Variants in RBM19 observed in about 807,000 individuals in gnomAD.
The protein encoded by RBM19 is RNA binding motif protein 19, also known as probable RNA-binding protein 19.
A neutral mutation model predicts 116.8 loss-of-function variants in RBM19; 94 were observed. That is an observed-to-expected ratio of 0.80 (90% CI 0.68 to 0.95). The LOEUF is 0.95. RBM19 is among the 40% of genes least tolerant of loss of function. The pLI is 0.00. For synonymous variants in RBM19, 475 were observed against 494.1 expected, an observed-to-expected ratio of 0.96 and a Z score of 0.51; for missense variants, 1,161 against 1,220.7, an observed-to-expected ratio of 0.95 and a Z score of 0.73.
intron 22 of RBM19, among the ~76,000 whole-genome samples, chr12:113,849,498 C>T (rs1459246695): frequency 6.6e-6 from 1 of 152,250 alleles, no homozygotes; most frequent in African/African-American, 2.4e-5. Context: ...ATGTCCCGTT[C>T]TGAGAGAGCA....
intron 14 of RBM19, 108 bp from the exon 15 acceptor site, chr12:113,940,268 C>T (rs1322420176): frequency 3.4e-6 from 4 of 1,183,274 alleles, no homozygotes; most frequent in Non-Finnish European, 4.8e-6. Flanking sequence ...CATTTGGAAC[C>T]TCAGCAACCA....
intron 21 of RBM19, among the ~76,000 whole-genome samples, chr12:113,875,146 C>T (rs1303216586): frequency 1.3e-5 from 2 of 152,234 alleles, no homozygotes; most frequent in Non-Finnish European, 2.9e-5. Context: ...TGTCAGGGGA[C>T]AGGGAGCACG....
Position 113,920,683 on chromosome 12 carries a change from G to A in RBM19, c.2313C>T (p.Leu771=), listed in dbSNP as rs1353631247. ...CCACAAATCCAAACCCCATGGAAAG[G>A]AGCACTCCTGAGAGAGAGAGGTGGA... ...ISKKKNKAGV[L]LSMGFGFVEY... Residue 771 remains leucine (L), a synonymous_variant, in exon 19 of 24, where the codon CTC becomes CTT. Coordinates refer to ENST00000261741, the MANE Select transcript of RBM19 (RefSeq NM_016196.4). The A allele has an allele frequency of 6.2e-7, 1 of 1,613,740 alleles. No homozygotes were observed. The highest frequency in any genetic ancestry group is 1.1e-5 in the South Asian group (1 of 91,070).
intron 21 of RBM19, among the ~76,000 whole-genome samples, chr12:113,875,115 G>A (rs564005516): frequency 2.0e-5 from 3 of 152,388 alleles, no homozygotes; most frequent in African/African-American, 7.2e-5. Context: ...GACAGAAAGC[G>A]TTGGAGGCCT....
rs1874782144 is a variant in RBM19 at position 113,825,507 on chromosome 12, C to T, written c.2786-2186G>A. Among the ~76,000 whole-genome samples, 1 of 152,124 alleles carries T rather than the reference C, an allele frequency of 6.6e-6. No homozygotes were observed. Among genetic ancestry groups the T allele is most frequent in the Non-Finnish European group, 1.5e-5 (1 of 68,034 alleles). On this transcript the variant is annotated intron_variant, in intron 23 of 23. Coordinates refer to ENST00000261741, the MANE Select transcript of RBM19 (RefSeq NM_016196.4). This position sits in a 1 kb window ranked among gnomAD's most constrained non-coding sequence, Gnocchi z 5.7. ...GTAATAGGAACTGGAAAATAGAACG[C>T]AACAAAACAGGGCCCACAGGCGATC...
At chr12:113,835,909 C>T (rs1299445019) in intron 23 of RBM19, among the ~76,000 whole-genome samples, 1 of 152,234 alleles carries the variant, frequency 6.6e-6, no homozygotes, top group Non-Finnish European at 1.5e-5. Flanking sequence ...TGCCCAGCCT[C>T]CCTGGCTGTG....
chr12:113,879,738 C>A (rs1023796236), intron 21 of RBM19, among the ~76,000 whole-genome samples: 1 of 152,014 alleles, frequency 6.6e-6, no homozygotes, highest in Admixed American at 6.6e-5. Flanking sequence ...CTGGGGAGCT[C>A]GGGCTACATC....
intron 8 of RBM19, among the ~76,000 whole-genome samples, chr12:113,951,666 T>C (rs1871476422): frequency 6.6e-6 from 1 of 152,160 alleles, no homozygotes; most frequent in South Asian, 2.1e-4. Flanking sequence ...CTGTAATCAG[T>C]CTGCAAGGAG....
chr12:113,951,040 G>A (rs1016127834), intron 8 of RBM19, among the ~76,000 whole-genome samples: 2 of 152,096 alleles, frequency 1.3e-5, no homozygotes, highest in Non-Finnish European at 2.9e-5. Context: ...GCTCCCAGGG[G>A]CCCCTGCATC....
chr12:113,936,480 C>G (rs952670976), intron 16 of RBM19, among the ~76,000 whole-genome samples: 1 of 152,232 alleles, frequency 6.6e-6, no homozygotes, highest in African/African-American at 2.4e-5. Flanking sequence ...GCAAAGCAGT[C>G]CTGACAAGAA....
intron 21 of RBM19, among the ~76,000 whole-genome samples, chr12:113,905,106 T>C (rs1881952685): frequency 6.6e-6 from 1 of 152,222 alleles, no homozygotes; most frequent in South Asian, 2.1e-4. Context: ...TTACAAGATC[T>C]TTTACAAATG....
chr12:113,927,046 C>T lies in RBM19; in HGVS notation c.2244+8G>A. The T allele has an allele frequency of 6.2e-7, 1 of 1,611,366 alleles. No individual in the cohort carries two copies. Among genetic ancestry groups the T allele is most frequent in the Non-Finnish European group, 8.5e-7 (1 of 1,178,814 alleles). On this transcript the variant is annotated splice_region_variant and intron_variant, in intron 17 of 23. Transcript: ENST00000261741. ...CGCCCCTCCCTCCTGGGCTGAGAAA[C>T]CACTCACTTCCTTCAGCTTCTCTTC...
intron 23 of RBM19, among the ~76,000 whole-genome samples, chr12:113,827,022 G>A (rs11066776): frequency 0.32 from 48,560 of 151,952 alleles, 8,439 homozygotes; most frequent in Non-Finnish European, 0.38. Context: ...GTCAGGCCCC[G>A]AGTTCCCACC....
chr12:113,876,161 TG>T (rs1421605412), intron 21 of RBM19, among the ~76,000 whole-genome samples: 1 of 152,360 alleles, frequency 6.6e-6, no homozygotes, highest in Non-Finnish European at 1.5e-5. Flanking sequence ...ACAGAAATTC[TG>T]TCTGGATCAG....
intron 23 of RBM19, among the ~76,000 whole-genome samples, chr12:113,836,627 C>A (rs61930703): frequency 0.31 from 47,557 of 151,668 alleles, 8,009 homozygotes; most frequent in South Asian, 0.38. Context: ...CAGGACATTA[C>A]GGTTGCTGCT....
In RBM19 at chr12:113,948,991, G is replaced by A; in HGVS notation, c.1118C>T (p.Thr373Ile). The change falls in exon 10 of 24, where the codon ACC (threonine) becomes ATC (isoleucine). Residue 373 changes from threonine to isoleucine, a missense_variant. Coordinates refer to ENST00000261741, the MANE Select transcript of RBM19 (RefSeq NM_016196.4). ...EVFREKNVPT[T>I]KGAPKNTTKS... is the part of the protein sequence containing the mutation. ...GGTGGTATTCTTTGGTGCACCCTTG[G>A]TGGTGGGGACGTTCTTTTCCCTGAA... 1 of 1,614,164 alleles carries A rather than the reference G, an allele frequency of 6.2e-7. No homozygotes were observed. The highest frequency in any genetic ancestry group is 8.5e-7 in the Non-Finnish European group (1 of 1,180,010).
chr12:113,822,982 A>G lies in RBM19; in HGVS notation c.*242T>C. On this transcript the variant is annotated 3_prime_UTR_variant, in exon 24 of 24. Coordinates refer to ENST00000261741, the MANE Select transcript of RBM19 (RefSeq NM_016196.4). Reference sequence around the variant, plus strand: ...TTGGACTCTTCCGTGTCTGCTACAGAGCAGGTGCGCAGTCAGTGTCTGCTA... The same window carrying G: ...TTGGACTCTTCCGTGTCTGCTACAGGGCAGGTGCGCAGTCAGTGTCTGCTA... The G allele has an allele frequency of 1.9e-6, 1 of 518,382 alleles. No homozygotes were observed. The highest frequency in any genetic ancestry group is 3.5e-6 in the Non-Finnish European group (1 of 286,292). 32.1% of individuals were successfully genotyped at this position (518,382 alleles called of 1,614,324 possible).
intron 22 of RBM19, among the ~76,000 whole-genome samples, chr12:113,849,552 G>C (rs532573551): frequency 7.9e-5 from 12 of 152,376 alleles, no homozygotes; most frequent in African/African-American, 2.6e-4. Context: ...TTGGCCTTTT[G>C]AAACGATACA....
intron 21 of RBM19, among the ~76,000 whole-genome samples, chr12:113,912,967 G>A (rs764886878): frequency 7.2e-5 from 11 of 152,090 alleles, no homozygotes; most frequent in Non-Finnish European, 1.3e-4. Context: ...CCTCCAAGAA[G>A]GTCTTACGTT....
Sources: gnomAD v4.1 joint callset for allele counts (sites outside exome capture counted in the v4.1 genomes callset) on GRCh38, gnomAD v4.1.1 for gene constraint, Gnocchi (gnomAD v3.1) non-coding constraint, MANE v1.5 for transcripts, NCBI Gene and HGNC (gene_info 2026-07-23, HGNC 2026-07-21) for gene names.